Variants in ATXN2 observed in about 807,000 individuals in gnomAD.
ATXN2 encodes the protein ataxin 2, also known as ataxin-2.
ATXN2 carries 37 observed loss-of-function variants against 138.6 expected under a neutral mutation model. That is an observed-to-expected ratio of 0.27 (90% CI 0.21 to 0.35). The LOEUF (loss-of-function observed/expected upper bound fraction) is 0.35. Ranked by LOEUF, ATXN2 falls within the 10% of genes least tolerant of loss-of-function variation. The pLI, the probability that ATXN2 is intolerant of heterozygous loss-of-function variation, is 1.00. For missense variants in ATXN2, 1,216 were observed against 1,480.3 expected, an observed-to-expected ratio of 0.82 and a Z score of 2.93; for synonymous variants, 549 against 543.7, an observed-to-expected ratio of 1.01 and a Z score of -0.13.
At chr12:111,463,015 T>C (rs957299435) in intron 21 of ATXN2, among the ~76,000 whole-genome samples, 4 of 151,814 alleles carry the variant, frequency 2.6e-5, no homozygotes, top group Non-Finnish European at 5.9e-5. Flanking sequence ...TATGTATGTA[T>C]GTATGTATCA....
At chr12:111,590,738 G>A (rs1163061097) in intron 1 of ATXN2, among the ~76,000 whole-genome samples, 1 of 151,746 alleles carries the variant, frequency 6.6e-6, no homozygotes, top group African/African-American at 2.4e-5. Context: ...CAGGAGCTGT[G>A]TGAGCATTAG....
At position 111,599,272 on chromosome 12, in the gene ATXN2, G is replaced by A. The variant is rs1025703868; in HGVS notation, c.-238C>T. On this transcript the variant is annotated 5_prime_UTR_variant, in exon 1 of 25. Transcript: ENST00000673436. ...CGGGCCGAAACGCGCCGCCGCCGTTGCCGTTGCTACCAAAACAGTCTGAGG... is the reference window on the plus strand; with the variant it reads ...CGGGCCGAAACGCGCCGCCGCCGTTACCGTTGCTACCAAAACAGTCTGAGG... 1.7e-6 allele frequency: 2 copies of A among 1,185,638 alleles called. No homozygotes were observed. Among genetic ancestry groups the A allele is most frequent in the Non-Finnish European group, 2.1e-6 (2 of 962,128 alleles). 73.4% of individuals were successfully genotyped at this position (1,185,638 alleles called of 1,614,324 possible).
intron 1 of ATXN2, among the ~76,000 whole-genome samples, chr12:111,569,528 C>A (rs1439068911): frequency 2.0e-5 from 3 of 152,164 alleles, no homozygotes; most frequent in African/African-American, 7.2e-5. Context: ...CCAGCCTGGA[C>A]AACATGGCGA....
At chr12:111,459,805 G>C (rs565050722) in intron 21 of ATXN2, among the ~76,000 whole-genome samples, 1 of 151,698 alleles carries the variant, frequency 6.6e-6, no homozygotes, top group East Asian at 1.9e-4. Flanking sequence ...GAGCGATCTC[G>C]GCTCACTGCA....
At chr12:111,475,952 G>A (rs1005504898) in intron 18 of ATXN2, among the ~76,000 whole-genome samples, 2 of 151,714 alleles carry the variant, frequency 1.3e-5, no homozygotes, top group Non-Finnish European at 2.9e-5. Flanking sequence ...CTATGCGCAC[G>A]CATACACACA....
At chr12:111,517,031 G>A (rs905631727) in intron 9 of ATXN2, among the ~76,000 whole-genome samples, 1 of 152,004 alleles carries the variant, frequency 6.6e-6, no homozygotes, top group African/African-American at 2.4e-5. Flanking sequence ...ACTAGAAAAA[G>A]GGAGACCTTC....
chr12:111,487,492 G>A (rs1037752283), intron 15 of ATXN2, among the ~76,000 whole-genome samples: 2 of 151,664 alleles, frequency 1.3e-5, no homozygotes, highest in African/African-American at 2.4e-5. Context: ...ACAGAGTCTC[G>A]CTCTGTCACC....
At chr12:111,585,568 G>A (rs1285956558) in intron 1 of ATXN2, among the ~76,000 whole-genome samples, 1 of 151,492 alleles carries the variant, frequency 6.6e-6, no homozygotes, top group East Asian at 1.9e-4. Context: ...ACTTTGGGAG[G>A]CTGAAGCAGG....
intron 1 of ATXN2, among the ~76,000 whole-genome samples, chr12:111,590,785 A>G (rs1032725943): frequency 1.3e-5 from 2 of 152,154 alleles, no homozygotes; most frequent in South Asian, 4.1e-4. Flanking sequence ...GTGCAGCATT[A>G]GGTTCTTATA....
At chr12:111,523,655 G>C (rs11833973) in intron 6 of ATXN2, among the ~76,000 whole-genome samples, 8,199 of 152,108 alleles carry the variant, frequency 0.054, 749 homozygotes, top group African/African-American at 0.19. Context: ...GAACCCAGGA[G>C]GTGGAGGTTA....
chr12:111,512,300 GTTTTT>G (rs112796017), intron 11 of ATXN2, among the ~76,000 whole-genome samples: 1 of 150,810 alleles, frequency 6.6e-6, no homozygotes, highest in Non-Finnish European at 1.5e-5. Context: ...GAGAAAAAGT[GTTTTT>G]TTTGTTTGTT....
At chr12:111,511,764 G>A (rs937880279) in intron 11 of ATXN2, 12 of 151,948 alleles carry the variant, frequency 7.9e-5, no homozygotes, top group Non-Finnish European at 1.2e-4. Flanking sequence ...GCGCCTGACC[G>A]GCTGAAGAAG....
At chr12:111,523,200 T>A (rs1592859908) in intron 6 of ATXN2, among the ~76,000 whole-genome samples, 1 of 150,188 alleles carries the variant, frequency 6.7e-6, no homozygotes, top group South Asian at 2.1e-4. Flanking sequence ...GAGGCGGAGG[T>A]TGCAGTGTGA....
intron 1 of ATXN2, among the ~76,000 whole-genome samples, chr12:111,590,611 G>A (rs1267987480): frequency 1.3e-5 from 2 of 151,776 alleles, no homozygotes; most frequent in Non-Finnish European, 2.9e-5. Flanking sequence ...CTTGAACCCG[G>A]GAGGCAGAGG....
At chr12:111,461,058 G>T (rs1186612085) in intron 21 of ATXN2, 1 of 152,176 alleles carries the variant, frequency 6.6e-6, no homozygotes, top group Non-Finnish European at 1.5e-5. Context: ...ATCATACGTT[G>T]TAAACAAAAT....
rs1156403546 is a variant in ATXN2 at position 111,453,638 on chromosome 12, T to C, written c.3439+39A>G. 3.5e-5 allele frequency: 52 copies of C among 1,504,410 alleles called. No homozygotes were observed. Among genetic ancestry groups the C allele is most frequent in the Non-Finnish European group, 4.4e-5 (49 of 1,123,098 alleles). 93.2% of individuals were successfully genotyped at this position (1,504,410 alleles called of 1,614,324 possible). A position where few individuals can be genotyped will look rare whatever the true frequency, so the allele number is the denominator to read the frequency against. ...ATTCCACCTGTGCGAGCAGAATGCT[T>C]TGGGGTGCCCCGGCGGCCCCTGCAC... is the stretch of plus-strand genomic sequence containing the variant. On this transcript the variant is annotated intron_variant, in intron 24 of 24. Coordinates refer to ENST00000673436, the MANE Select transcript of ATXN2 (RefSeq NM_001372574.1). This position sits in a 1 kb window ranked among gnomAD's most constrained non-coding sequence, Gnocchi z 5.4.
In ATXN2 at chr12:111,516,377, T is replaced by C. The variant is rs901915055; in HGVS notation, c.1166-14A>G. Reference sequence around the variant, plus strand: ...GCCAGGGAACACCTGACAGAACAAATGATATGAAGGAAAGTATAAAAACTA... The same window carrying C: ...GCCAGGGAACACCTGACAGAACAAACGATATGAAGGAAAGTATAAAAACTA... On this transcript the variant is annotated splice_polypyrimidine_tract_variant and intron_variant, in intron 9 of 24. Transcript: ENST00000673436. This position sits in a 1 kb window ranked among gnomAD's most constrained non-coding sequence, Gnocchi z 5.0. 2.6e-6 allele frequency: 4 copies of C among 1,546,510 alleles called. No homozygotes were observed. Among genetic ancestry groups the C allele is most frequent in the Non-Finnish European group, 3.5e-6 (4 of 1,147,250 alleles).
At chr12:111,518,724 A>T (rs757235949) in intron 8 of ATXN2, among the ~76,000 whole-genome samples, 22 of 151,836 alleles carry the variant, frequency 1.4e-4, no homozygotes, top group Non-Finnish European at 2.8e-4. Context: ...TCTTCACAAC[A>T]TTTTTTGTCC....
At chr12:111,596,128 C>G (rs1403441959) in intron 1 of ATXN2, among the ~76,000 whole-genome samples, 2 of 151,690 alleles carry the variant, frequency 1.3e-5, no homozygotes, top group Non-Finnish European at 2.9e-5. Flanking sequence ...TAAATGAACC[C>G]AGGAGACAGA....
Sources: gnomAD v4.1 joint callset for allele counts (sites outside exome capture counted in the v4.1 genomes callset) on GRCh38, gnomAD v4.1.1 for gene constraint, Gnocchi (gnomAD v3.1) non-coding constraint, MANE v1.5 for transcripts, NCBI Gene and HGNC (gene_info 2026-07-23, HGNC 2026-07-21) for gene names.